Variants in BRD9 observed in about 807,000 individuals in gnomAD.
The protein encoded by BRD9 is bromodomain containing 9.
In BRD9, 47 loss-of-function variants were observed where a neutral mutation model predicts 68.7. The observed-to-expected ratio is 0.68, with a 90% confidence interval of 0.54 to 0.87. The LOEUF (loss-of-function observed/expected upper bound fraction) is 0.87. Among genes scored for constraint, BRD9 ranks in the 40% least tolerant of loss-of-function variants. BRD9 has a pLI of 0.00. For missense variants in BRD9, 670 were observed against 748.4 expected (o/e 0.90, Z 1.22); for synonymous variants, 313 against 293.9 (o/e 1.06, Z -0.67).
At chr5:877,160 C>G (rs1751073694) in intron 11 of BRD9, among the ~76,000 whole-genome samples, 2 of 152,334 alleles carry the variant, frequency 1.3e-5, no homozygotes, top group African/African-American at 4.8e-5. Flanking sequence ...ACATGGACAA[C>G]AGGTGACTGA....
At position 865,596 on chromosome 5, in the gene BRD9, C is replaced by T; in HGVS notation, c.1526-15G>A. ...CTTCACCTTCCCTGTGTAAACAGGA[C>T]ATGACCCCACGTCGGCTGAGCTCAG... On this transcript the variant is annotated splice_polypyrimidine_tract_variant and intron_variant, in intron 14 of 15. Coordinates refer to ENST00000467963, the MANE Select transcript of BRD9 (RefSeq NM_023924.5). The T allele has an allele frequency of 1.3e-6, 2 of 1,578,104 alleles. No homozygotes were observed. Among genetic ancestry groups the T allele is most frequent in the Admixed American group, 1.7e-5 (1 of 58,916 alleles).
At chr5:888,455 G>A (rs1752883796) in intron 5 of BRD9, 1 of 152,282 alleles carries the variant, frequency 6.6e-6, no homozygotes, top group Admixed American at 6.5e-5. Context: ...CAGGGGAATG[G>A]AACCTAAGAG....
At chr5:888,436 A>T (rs1032679650) in intron 5 of BRD9, 2 of 152,316 alleles carry the variant, frequency 1.3e-5, no homozygotes, top group African/African-American at 4.8e-5. Flanking sequence ...AGAAAAGTCA[A>T]GCTTTCCCCA....
intron 8 of BRD9, chr5:881,517 G>A (rs771684825): frequency 1.5e-5 from 6 of 387,420 alleles, no homozygotes; most frequent in South Asian, 5.1e-5. Context: ...CTGCCCTGAC[G>A]GCAGGCGGCT....
In BRD9 at chr5:865,641, G is replaced by T. The variant is rs1427667699; in HGVS notation, c.1526-60C>A. The T allele has an allele frequency of 5.9e-5, 90 of 1,518,966 alleles. No individual in the cohort carries two copies. In the East Asian group the frequency reaches 1.9e-3, roughly 32 times the overall value. The allele number at this position is 1,518,966 out of a possible 1,614,324, so 94.1% of individuals were successfully genotyped here. A position where few individuals can be genotyped will look rare whatever the true frequency, so the allele number is the denominator to read the frequency against. On this transcript the variant is annotated intron_variant, in intron 14 of 15. Coordinates refer to ENST00000467963, the MANE Select transcript of BRD9 (RefSeq NM_023924.5). Reference sequence around the variant, plus strand: ...GCTCAGCCGGCCCGTCTACCCTAAGGGCAGGAGCACACTGCCCATCCAGAC... The same window carrying T: ...GCTCAGCCGGCCCGTCTACCCTAAGTGCAGGAGCACACTGCCCATCCAGAC...
rs560373912 is a variant in BRD9 at position 872,212 on chromosome 5, A to G, written c.1384-648T>C. 2.6e-5 allele frequency among the ~76,000 whole-genome samples: 4 copies of G among 152,340 alleles called. No individual in the cohort carries two copies. In the South Asian group the frequency reaches 8.3e-4, roughly 32 times the overall value. Reference sequence around the variant, plus strand: ...TAGTATATGCACTCTATCATGTGTGATCTTTGTTCGAAATAATGTTTCTCA... The same window carrying G: ...TAGTATATGCACTCTATCATGTGTGGTCTTTGTTCGAAATAATGTTTCTCA... On this transcript the variant is annotated intron_variant, in intron 12 of 15. Transcript: ENST00000467963.
At chr5:883,104 A>G (rs1209155587) in intron 8 of BRD9, 2 of 360,058 alleles carry the variant, frequency 5.6e-6, no homozygotes, top group African/African-American at 4.3e-5. Context: ...TGAGCCACGC[A>G]GACCGCAACC....
At chr5:892,204 G>C (rs1315045325) in intron 1 of BRD9, 1 of 430,194 alleles carries the variant, frequency 2.3e-6, no homozygotes, top group Non-Finnish European at 4.1e-6. Flanking sequence ...GTTCACCCTC[G>C]CCTGACTTCC....
intron 2 of BRD9, 42 bp from the exon 3 acceptor site, chr5:891,329 C>T (rs1345100284): frequency 2.6e-6 from 4 of 1,542,616 alleles, no homozygotes; most frequent in East Asian, 2.5e-5. Context: ...CAGGAGTAGG[C>T]GGGATCCGGA....
Position 886,599 on chromosome 5 carries a change from C to A in BRD9, c.826G>T (p.Val276Phe). 5 of 1,613,738 alleles carry A rather than the reference C, an allele frequency of 3.1e-6. No homozygotes were observed. The highest frequency in any genetic ancestry group is 3.4e-6 in the Non-Finnish European group (4 of 1,179,778). The change falls in exon 7 of 16, where the codon GTT becomes TTT. Residue 276 changes from valine (V) to phenylalanine (F), a missense_variant. Val to Phe is a conservative substitution (Grantham distance 50). Around this residue, in one of 5 missense-constraint regions of BRD9, gnomAD observed 135 missense variants for 141.2 expected, o/e 0.96. Coordinates refer to ENST00000467963, the MANE Select transcript of BRD9 (RefSeq NM_023924.5). ...TTTCCACAGAACCTTTACCTGATAA[C>A]TTCTCTACTCGGCTTTTTGGATTTC... ...AKKSKKPSRE[V>F]ISCMFEPEGN... is the part of the protein sequence containing the mutation.
chr5:891,167 G>C lies in BRD9; in HGVS notation c.388C>G (p.Arg130Gly), dbSNP rs1404184197. Residue 130 changes from arginine (R) to glycine (G), a missense_variant, in exon 3 of 16, where the codon CGG becomes GGG. Arg to Gly is a moderately radical substitution (Grantham distance 125). Around this residue, in one of 5 missense-constraint regions of BRD9, gnomAD observed 94 missense variants for 157.2 expected, o/e 0.60. Coordinates refer to ENST00000467963, the MANE Select transcript of BRD9 (RefSeq NM_023924.5). Reference protein sequence around the residue: ...PPPDRPVRACRTQPAENESTP... With the variant: ...PPPDRPVRACGTQPAENESTP... ...AGTGCACCCTTGCCTGGCTGTGTCC[G>C]GCACGCTCGGACTGGCCGATCTGGG... The C allele has an allele frequency of 1.9e-6, 3 of 1,550,892 alleles. No individual in the cohort carries two copies. Among genetic ancestry groups the C allele is most frequent in the African/African-American group, 1.4e-5 (1 of 73,034 alleles).
intron 14 of BRD9, 119 bp from the exon 15 acceptor site, chr5:865,700 A>G (rs1749288716): frequency 8.6e-7 from 1 of 1,156,722 alleles, no homozygotes; most frequent in Admixed American, 2.3e-5. Flanking sequence ...ATTGCTCTGG[A>G]AACTGAGTGG....
intron 6 of BRD9, 189 bp from the exon 7 acceptor site, chr5:886,896 A>G: frequency 1.9e-6 from 2 of 1,036,398 alleles, no homozygotes; most frequent in Non-Finnish European, 2.7e-6. Flanking sequence ...ACGGCGGAGC[A>G]GCGGGAGGTG....
Position 891,200 on chromosome 5 carries a change from C to T in BRD9, c.355G>A (p.Glu119Lys). 6.4e-7 allele frequency: 1 copy of T among 1,551,896 alleles called. No homozygotes were observed. Among genetic ancestry groups the T allele is most frequent in the Admixed American group, 2.0e-5 (1 of 51,012 alleles). The stretch of plus-strand genomic sequence containing the variant: ...CGGACTGGCCGATCTGGGGGCGGCT[C>T]CACCTCCACCTTCTTCCCAGGATCA... ...DFDPGKKVEV[E>K]PPPDRPVRAC... is the part of the protein sequence containing the mutation. The change falls in exon 3 of 16, where the codon GAG becomes AAG. Residue 119 changes from glutamate (E) to lysine (K), a missense_variant. Around this residue, in one of 5 missense-constraint regions of BRD9, gnomAD observed 161 missense variants for 148.1 expected, o/e 1.09. Coordinates refer to ENST00000467963, the MANE Select transcript of BRD9 (RefSeq NM_023924.5).
chr5:877,719 G>C (rs72703147), intron 11 of BRD9, among the ~76,000 whole-genome samples: 1 of 152,108 alleles, frequency 6.6e-6, no homozygotes, highest in Non-Finnish European at 1.5e-5. Flanking sequence ...CTCAGAGTTC[G>C]TAAGTTGAAA....
At chr5:875,349 C>CT (rs749144309) in intron 12 of BRD9, among the ~76,000 whole-genome samples, 1,745 of 139,996 alleles carry the variant, frequency 0.012, 31 homozygotes, top group African/African-American at 0.038. Context: ...ACTTCAGACG[C>CT]TTTTTTTTTT....
At position 883,463 on chromosome 5, in the gene BRD9, A is replaced by G. The variant is rs111914100; in HGVS notation, c.966+475T>C. ...TCTAGAACGTCTCCTGCCAGAAAGG[A>G]GAGCGTGGTCAGCTGAGTGGGCCCC... On this transcript the variant is annotated intron_variant, in intron 8 of 15. Coordinates refer to ENST00000467963, the MANE Select transcript of BRD9 (RefSeq NM_023924.5). 53 of 456,630 alleles carry G rather than the reference A, an allele frequency of 1.2e-4. 4 individuals carry two copies. The highest frequency in any genetic ancestry group is 9.4e-4 in the African/African-American group (47 of 50,232). The allele number at this position is 456,630 out of a possible 1,614,324, so 28.3% of individuals were successfully genotyped here. A position where few individuals can be genotyped will look rare whatever the true frequency, so the allele number is the denominator to read the frequency against.
rs1752180140 is a variant in BRD9, at chr5:883,947, T to G, written c.957A>C (p.Pro319=). Residue 319 remains proline, a synonymous_variant, in exon 8 of 16, where the codon CCA becomes CCC. Transcript: ENST00000467963. The stretch of plus-strand genomic sequence containing the variant: ...GGCCACAGAGCACTACCTTGCCGCC[T>G]GGGAGGAACCGGTTGATCCTGTCCC... The part of the protein sequence containing the change: ...EARDRINRFL[P]GGKMGYLKRN... 6.2e-7 allele frequency: 1 copy of G among 1,612,348 alleles called. No homozygotes were observed. Among genetic ancestry groups the G allele is most frequent in the Non-Finnish European group, 8.5e-7 (1 of 1,179,988 alleles).
chr5:864,975 G>C (rs1273890802), intron 15 of BRD9, among the ~76,000 whole-genome samples: 1 of 152,150 alleles, frequency 6.6e-6, no homozygotes, highest in African/African-American at 2.4e-5. Context: ...TTTGCAGATG[G>C]TTGCAGCTAA....
Sources: allele counts gnomAD v4.1 joint callset (sites outside exome capture counted in the v4.1 genomes callset), GRCh38; gene constraint gnomAD v4.1.1; regional missense constraint gnomAD v4.1.1; transcripts MANE v1.5; gene names NCBI Gene and HGNC (gene_info 2026-07-23, HGNC 2026-07-21).